The following DNMBP variants were observed in gnomAD, a reference collection of about 807,000 sequenced individuals.
DNMBP encodes dynamin-binding protein.
A neutral mutation model predicts 150.0 loss-of-function variants in DNMBP; 87 were observed. The observed-to-expected ratio is 0.58, with a 90% CI of 0.49 to 0.69. DNMBP has a LOEUF of 0.69. Ranked by LOEUF, DNMBP falls within the 30% of genes least tolerant of loss-of-function variation. DNMBP has a pLI of 0.00. For missense variants in DNMBP, 1,774 were observed against 1,949.0 expected (o/e 0.91, Z 1.69); for synonymous variants, 711 against 750.4 (o/e 0.95, Z 0.86).
At chr10:99,889,732 A>ATTTC (rs752708309) in intron 11 of DNMBP, among the ~76,000 whole-genome samples, 6 of 152,160 alleles carry the variant, frequency 3.9e-5, no homozygotes, top group Admixed American at 6.5e-5. Flanking sequence ...CCATTAGTCT[A>ATTTC]TTTCAAGGGC....
At chr10:99,913,021 G>A (rs766950063) in intron 4 of DNMBP, among the ~76,000 whole-genome samples, 7 of 152,064 alleles carry the variant, frequency 4.6e-5, no homozygotes, top group East Asian at 1.9e-4. Context: ...TGGGCCATGC[G>A]TGGTGGCTCA....
At chr10:99,929,711 T>C (rs1490313379) in intron 4 of DNMBP, 2 of 702,984 alleles carry the variant, frequency 2.8e-6, no homozygotes, top group East Asian at 5.4e-5. Context: ...GGCCATTTAA[T>C]TTTTTCTCTT....
At position 99,930,642 on chromosome 10, in the gene DNMBP, C is replaced by T. The variant is rs758394211; in HGVS notation, c.2261-21496G>A. On this transcript the variant is annotated intron_variant, in intron 4 of 16. Transcript: ENST00000324109. The stretch of plus-strand genomic sequence containing the variant: ...ATCCAAGTCATTTTCTCTGTAGAGT[C>T]CATCCAGCACTGTAAGGTTCCTTTT... 5.7e-6 allele frequency: 4 copies of T among 702,880 alleles called. No homozygotes were observed. In the South Asian group the frequency reaches 5.9e-5, roughly 10 times the overall value. 43.5% of individuals were successfully genotyped at this position (702,880 alleles called of 1,614,324 possible).
intron 14 of DNMBP, among the ~76,000 whole-genome samples, chr10:99,885,438 A>C (rs541357754): frequency 3.3e-5 from 5 of 152,170 alleles, no homozygotes; most frequent in Non-Finnish European, 7.3e-5. Flanking sequence ...TTGAACCCAG[A>C]AGGCGCAGGT....
In DNMBP at chr10:99,888,839, GCTGGTCA is replaced by G. The variant is rs2039512452; in HGVS notation, c.3264_3270del (p.Asp1089SerfsTer17). 4.3e-6 allele frequency: 7 copies of G among 1,614,128 alleles called. No homozygotes were observed. Among genetic ancestry groups the G allele is most frequent in the Non-Finnish European group, 5.9e-6 (7 of 1,180,004 alleles). On this transcript the variant is annotated frameshift_variant, in exon 12 of 17. Coordinates refer to ENST00000324109, the MANE Select transcript of DNMBP (RefSeq NM_015221.4). LOFTEE classifies it high-confidence loss of function. ...AAGTTACTTACAAAGTTTGTGAAGA[GCTGGTCA>G]CTGATGTAGCGATGCACCCTCTCAA... is the stretch of plus-strand genomic sequence containing the variant.
intron 1 of DNMBP, among the ~76,000 whole-genome samples, chr10:100,005,787 A>AAAAAAAAAAC (rs1564761728): frequency 1.7e-5 from 2 of 115,980 alleles, no homozygotes; most frequent in African/African-American, 8.5e-5. Flanking sequence ...AAAAAAAACC[A>AAAAAAAAAAC]AACTACATAA....
intron 1 of DNMBP, among the ~76,000 whole-genome samples, chr10:100,002,970 A>G (rs1049155542): frequency 1.1e-4 from 17 of 152,222 alleles, no homozygotes; most frequent in African/African-American, 3.9e-4. Flanking sequence ...CAAGACAAAG[A>G]TGCCCGTTAG....
chr10:99,885,919 G>T lies in DNMBP; in HGVS notation c.3619-53C>A, dbSNP rs374833290. On this transcript the variant is annotated intron_variant, in intron 13 of 16. Transcript: ENST00000324109. ...GAGAAAAGAAGAAAACACGATAAAA[G>T]ATCCCAGAGAAAAGAAGAAAACATG... is the stretch of plus-strand genomic sequence containing the variant. The T allele has an allele frequency of 2.5e-5, 37 of 1,467,112 alleles. No individual in the cohort carries two copies. In the African/African-American group the frequency reaches 5.1e-4, roughly 20 times the overall value. 90.9% of individuals were successfully genotyped at this position (1,467,112 alleles called of 1,614,324 possible).
intron 4 of DNMBP, among the ~76,000 whole-genome samples, chr10:99,949,181 G>T (rs1262883107): frequency 6.6e-6 from 1 of 151,926 alleles, no homozygotes; most frequent in Admixed American, 6.6e-5. Flanking sequence ...CTGGGAGGTA[G>T]AGCAGGCAAT....
At chr10:100,003,394 T>G (rs866360908) in intron 1 of DNMBP, among the ~76,000 whole-genome samples, 137 of 151,840 alleles carry the variant, frequency 9.0e-4, no homozygotes, top group African/African-American at 3.2e-3. Flanking sequence ...AAGCATGTAT[T>G]TAGAGATTAA....
At chr10:99,894,251 GAGAA>G (rs2039618978) in intron 11 of DNMBP, among the ~76,000 whole-genome samples, 1 of 152,178 alleles carries the variant, frequency 6.6e-6, no homozygotes, top group African/African-American at 2.4e-5. Flanking sequence ...GTCTGGGTGA[GAGAA>G]AGAGACTCTG....
At chr10:99,900,934 T>A (rs2039729488) in intron 6 of DNMBP, among the ~76,000 whole-genome samples, 1 of 152,092 alleles carries the variant, frequency 6.6e-6, no homozygotes, top group Non-Finnish European at 1.5e-5. Flanking sequence ...TATAGTAACC[T>A]ATATACTACT....
intron 11 of DNMBP, among the ~76,000 whole-genome samples, chr10:99,891,858 G>C (rs1259315232): frequency 6.6e-6 from 1 of 151,224 alleles, no homozygotes; most frequent in East Asian, 2.0e-4. Context: ...GCCTCTGCCC[G>C]GCCACGACCC....
At chr10:99,891,508 G>A (rs2039559785) in intron 11 of DNMBP, among the ~76,000 whole-genome samples, 2 of 152,036 alleles carry the variant, frequency 1.3e-5, no homozygotes, top group African/African-American at 4.8e-5. Flanking sequence ...GCAGTGGCGT[G>A]ATCTCGGCTC....
chr10:99,899,527 G>A (rs1190040111), intron 7 of DNMBP, among the ~76,000 whole-genome samples: 5 of 152,116 alleles, frequency 3.3e-5, no homozygotes, highest in South Asian at 2.1e-4. Context: ...GCTTGAACCC[G>A]GGAGGCAGAG....
At chr10:99,967,104 C>T (rs908643562) in intron 3 of DNMBP, among the ~76,000 whole-genome samples, 2 of 151,844 alleles carry the variant, frequency 1.3e-5, no homozygotes, top group African/African-American at 2.4e-5. Flanking sequence ...AGCCTCTTAT[C>T]AATCCTAATG....
At chr10:99,967,655 A>T (rs7913969) in intron 3 of DNMBP, among the ~76,000 whole-genome samples, 5 of 151,534 alleles carry the variant, frequency 3.3e-5, no homozygotes, top group African/African-American at 1.2e-4. Flanking sequence ...GAGAAGTTTG[A>T]TAGGTTTTTC....
intron 4 of DNMBP, 111 bp downstream of exon 4, chr10:99,955,103 T>A: frequency 4.8e-6 from 4 of 838,696 alleles, no homozygotes; most frequent in Admixed American, 2.5e-5. Flanking sequence ...AAAATGTAAA[T>A]CATTTTTTGT....
At position 99,956,278 on chromosome 10, in the gene DNMBP, T is replaced by C. The variant is rs779307958; in HGVS notation, c.1196A>G (p.Asp399Gly). Residue 399 changes from aspartate (D) to glycine (G), a missense_variant, in exon 4 of 17, where the codon GAC becomes GGC. By Grantham distance (94) the Asp-to-Gly change is moderately conservative. This residue lies in a region of DNMBP where 1,430 missense variants were observed against 1,492.5 expected (regional missense o/e 0.96). Coordinates refer to ENST00000324109, the MANE Select transcript of DNMBP (RefSeq NM_015221.4). Reference sequence around the variant, plus strand: ...TTCTGTAGGGTCAGATGTGGGAGAGTCTGTGGCAAGAGGCATTTCCCACTC... The same window carrying C: ...TTCTGTAGGGTCAGATGTGGGAGAGCCTGTGGCAAGAGGCATTTCCCACTC... ...GVEWEMPLAT[D>G]SPTSDPTEVV... 18 of 1,612,064 alleles carry C rather than the reference T, an allele frequency of 1.1e-5. No individual in the cohort carries two copies. The African/African-American group carries it at 2.3e-4, about 21-fold the overall frequency.
Sources: gnomAD v4.1 joint callset for allele counts (sites outside exome capture counted in the v4.1 genomes callset) on GRCh38, gnomAD v4.1.1 for gene constraint, gnomAD v4.1.1 regional missense constraint, MANE v1.5 for transcripts, NCBI Gene and HGNC (gene_info 2026-07-23, HGNC 2026-07-21) for gene names.